The following RBBP6 variants were observed in gnomAD, a reference collection of about 807,000 sequenced individuals.
The protein encoded by RBBP6 is E3 ubiquitin-protein ligase RBBP6.
In RBBP6, 25 loss-of-function variants were observed where a neutral mutation model predicts 167.7. That is an observed-to-expected ratio of 0.15 (90% CI 0.11 to 0.21). The LOEUF is 0.21. RBBP6 is among the 10% of genes least tolerant of loss of function. The pLI is 1.00. For missense variants in RBBP6, 1,868 were observed against 2,134.2 expected, an observed-to-expected ratio of 0.88 and a Z score of 2.46; for synonymous variants, 789 against 735.8, an observed-to-expected ratio of 1.07 and a Z score of -1.17.
chr16:24,551,966 G>GT (rs1330030421), intron 3 of RBBP6, among the ~76,000 whole-genome samples: 2 of 151,608 alleles, frequency 1.3e-5, no homozygotes, highest in East Asian at 1.9e-4. Flanking sequence ...TTATTTAGAG[G>GT]TTTTTTTCTA....
rs771017322 is a variant in RBBP6, at chr16:24,572,175, C to T, written c.5109C>T (p.Ser1703=). 1.3e-5 allele frequency: 21 copies of T among 1,613,992 alleles called. No individual in the cohort carries two copies. The highest frequency in any genetic ancestry group is 1.6e-4 in the Middle Eastern group (1 of 6,084). ...GCCCCAGCGTCAGCCCCAGCAGAAG[C>T]CACAGTCCTTCTGGAAGCCAGACCC... ...HSSPSVSPSR[S]HSPSGSQTRS... The change falls in exon 18 of 18, where the codon AGC becomes AGT. Residue 1703 remains serine (S), a synonymous_variant. Coordinates refer to ENST00000319715, the MANE Select transcript of RBBP6 (RefSeq NM_006910.5).
intron 2 of RBBP6, among the ~76,000 whole-genome samples, chr16:24,548,379 A>T (rs1480630350): frequency 4.0e-5 from 6 of 150,102 alleles, no homozygotes. Flanking sequence ...GGTTAGTCTC[A>T]AACTCCTGGG....
At chr16:24,563,070 A>G in intron 10 of RBBP6, 129 bp from the exon 11 acceptor site, 1 of 649,568 alleles carries the variant, frequency 1.5e-6, no homozygotes, top group Non-Finnish European at 2.6e-6. Flanking sequence ...CACTTTCCTC[A>G]GAAGTATTCA....
chr16:24,556,329 C>A lies in RBBP6; in HGVS notation c.556C>A (p.Pro186Thr). Residue 186 changes from proline to threonine, a missense_variant, in exon 7 of 18, where the codon CCT becomes ACT. Physicochemically the swap from Pro to Thr is conservative, Grantham distance 38 (BLOSUM62 -1). Around this residue, in one of 7 missense-constraint regions of RBBP6, gnomAD observed 184 missense variants for 327.7 expected, o/e 0.56. Transcript: ENST00000319715. ...TNGDKNFESG[P>T]RIKKSTGIPR... ...ATAGGATAAAAACTTTGAATCTGGT[C>A]CTAGGATTAAAAAGAGCACTGGAAT... 6.3e-7 allele frequency: 1 copy of A among 1,598,888 alleles called. No individual in the cohort carries two copies. Among genetic ancestry groups the A allele is most frequent in the Non-Finnish European group, 8.6e-7 (1 of 1,166,700 alleles).
intron 8 of RBBP6, among the ~76,000 whole-genome samples, chr16:24,560,977 A>G (rs1302843165): frequency 2.6e-5 from 4 of 152,134 alleles, no homozygotes; most frequent in African/African-American, 9.7e-5. Context: ...CTTGTTTCAG[A>G]TTATATCTTA....
chr16:24,564,740 G>T (rs1372935114), intron 13 of RBBP6, 57 bp from the exon 14 acceptor site: 5 of 1,578,068 alleles, frequency 3.2e-6, no homozygotes, highest in Non-Finnish European at 3.4e-6. Context: ...GCATGGAAAG[G>T]TCATGTATTA....
chr16:24,567,806 C>A lies in RBBP6; in HGVS notation c.1967C>A (p.Ser656Tyr). 1 of 1,611,712 alleles carries A rather than the reference C, an allele frequency of 6.2e-7. No homozygotes were observed. Among genetic ancestry groups the A allele is most frequent in the South Asian group, 1.1e-5 (1 of 90,758 alleles). ...TATTTTACTAGGGAAAAGAAAAAGTCCAAGCTAGATGAGTTTACAAATGAT... is the reference window on the plus strand; with the variant it reads ...TATTTTACTAGGGAAAAGAAAAAGTACAAGCTAGATGAGTTTACAAATGAT... The part of the protein sequence containing the change: ...RRLKEEEKKK[S>Y]KLDEFTNDFA... The change falls in exon 16 of 18, where the codon TCC becomes TAC. Residue 656 changes from serine to tyrosine, a missense_variant. Ser to Tyr is a moderately radical substitution (Grantham distance 144, BLOSUM62 -2). Coordinates refer to ENST00000319715, the MANE Select transcript of RBBP6 (RefSeq NM_006910.5).
chr16:24,550,866 G>T (rs1422503587), intron 3 of RBBP6, among the ~76,000 whole-genome samples: 4 of 151,664 alleles, frequency 2.6e-5, no homozygotes, highest in Non-Finnish European at 5.9e-5. Flanking sequence ...TTTAAGATGA[G>T]AATATATTCA....
rs566510087 is a variant in RBBP6, at chr16:24,572,075, T to C, written c.5009T>C (p.Val1670Ala). 203 of 1,613,780 alleles carry C rather than the reference T, an allele frequency of 1.3e-4. 2 individuals are homozygous for C. The South Asian group carries it at 2.1e-3, about 16-fold the overall frequency. Reference sequence around the variant, plus strand: ...TCTAAGGACCTGAAAGATAAAATAGTGGAGAAAGCAAAAGAGAGCCTGGAC... The same window carrying C: ...TCTAAGGACCTGAAAGATAAAATAGCGGAGAAAGCAAAAGAGAGCCTGGAC... ...NISKDLKDKI[V>A]EKAKESLDTA... The change falls in exon 18 of 18, where the codon GTG (valine) becomes GCG (alanine). Residue 1670 changes from valine (V) to alanine (A), a missense_variant. Physicochemically the swap from Val to Ala is moderately conservative, Grantham distance 64 (BLOSUM62 0). Transcript: ENST00000319715.
In RBBP6 at chr16:24,548,997, A is replaced by G. The variant is rs1302006190; in HGVS notation, c.303+16A>G. 17 of 1,610,422 alleles carry G rather than the reference A, an allele frequency of 1.1e-5. No individual in the cohort carries two copies. Among genetic ancestry groups the G allele is most frequent in the East Asian group, 4.5e-5 (2 of 44,762 alleles). Reference sequence around the variant, plus strand: ...TACAAAAGCAGTATGTAAAAACACAATCTCACACTTTTTCTACACATTGCT... The same window carrying G: ...TACAAAAGCAGTATGTAAAAACACAGTCTCACACTTTTTCTACACATTGCT... On this transcript the variant is annotated intron_variant, in intron 3 of 17. Transcript: ENST00000319715.
At chr16:24,546,425 G>C (rs1271015688) in intron 2 of RBBP6, among the ~76,000 whole-genome samples, 163 bp downstream of exon 2, 1 of 152,080 alleles carries the variant, frequency 6.6e-6, no homozygotes, top group African/African-American at 2.4e-5. Context: ...GTTTGTTTTT[G>C]ATTTCCTCCC....
At position 24,559,565 on chromosome 16, in the gene RBBP6, T is replaced by C; in HGVS notation, c.735T>C (p.Ser245=). 6.2e-7 allele frequency: 1 copy of C among 1,608,166 alleles called. No homozygotes were observed. Among genetic ancestry groups the C allele is most frequent in the Non-Finnish European group, 8.5e-7 (1 of 1,177,286 alleles). The change falls in exon 8 of 18, where the codon TCT becomes TCC. Residue 245 remains serine (S), a synonymous_variant. Transcript: ENST00000319715. Reference sequence around the variant, plus strand: ...CCTTCTTACCAGAGGAGCCATCTTCTTCCTCAGAAGAAGATGATCCTATCC... The same window carrying C: ...CCTTCTTACCAGAGGAGCCATCTTCCTCCTCAGAAGAAGATGATCCTATCC... The part of the protein sequence containing the change: ...KPPFLPEEPS[S]SSEEDDPIPD...
intron 7 of RBBP6, among the ~76,000 whole-genome samples, chr16:24,558,262 TG>T (rs1464619779): frequency 2.0e-5 from 3 of 152,188 alleles, no homozygotes; most frequent in African/African-American, 7.2e-5. Flanking sequence ...CAGCAAATAC[TG>T]GGGAAAGATG....
intron 2 of RBBP6, among the ~76,000 whole-genome samples, chr16:24,548,635 C>T (rs1296458413): frequency 1.3e-5 from 2 of 152,084 alleles, no homozygotes; most frequent in African/African-American, 2.4e-5. Flanking sequence ...TAAGAATAAA[C>T]TACGTTTCTA....
rs1391558800 is a variant in RBBP6, at chr16:24,572,142, C to T, written c.5076C>T (p.Ser1692=). The T allele has an allele frequency of 6.2e-7, 1 of 1,613,984 alleles. No individual in the cohort carries two copies. Among genetic ancestry groups the T allele is most frequent in the Non-Finnish European group, 8.5e-7 (1 of 1,180,028 alleles). The part of the protein sequence containing the change: ...VVQVGISRNQ[S]HSSPSVSPSR... ...AGGTGGGCATAAGCAGGAATCAGAG[C>T]CACAGCAGCCCCAGCGTCAGCCCCA... The change falls in exon 18 of 18, where the codon AGC becomes AGT. Residue 1692 remains serine, a synonymous_variant. Coordinates refer to ENST00000319715, the MANE Select transcript of RBBP6 (RefSeq NM_006910.5).
rs1567279401 is a variant in RBBP6, at chr16:24,567,350, CCCT to C, written c.1803_1805del (p.Pro602del). 1 of 1,614,112 alleles carries C rather than the reference CCCT, an allele frequency of 6.2e-7. No individual in the cohort carries two copies. The highest frequency in any genetic ancestry group is 1.3e-5 in the African/African-American group (1 of 75,010). On this transcript the variant is annotated inframe_deletion, in exon 15 of 18. Coordinates refer to ENST00000319715, the MANE Select transcript of RBBP6 (RefSeq NM_006910.5). ...AGCCACCACCCGCTGGGTATAGTGT[CCCT>C]CCTCCAGGGTTTCCTCCAGCTCCTG...
At position 24,539,677 on chromosome 16, in the gene RBBP6, G is replaced by A. The variant is rs1330659624; in HGVS notation, c.-950G>A. ...GCGGCAGGGGGCCAACACAAAAAGG[G>A]AGCCGGAGAAGCCCTAGCCGCTGCC... On this transcript the variant is annotated 5_prime_UTR_variant, in exon 1 of 18. Coordinates refer to ENST00000319715, the MANE Select transcript of RBBP6 (RefSeq NM_006910.5). 6.6e-6 allele frequency: 1 copy of A among 152,214 alleles called. No homozygotes were observed. The highest frequency in any genetic ancestry group is 1.5e-5 in the Non-Finnish European group (1 of 68,042). The allele number at this position is 152,214 out of a possible 1,614,324, so 9.4% of individuals were successfully genotyped here. A position where few individuals can be genotyped will look rare whatever the true frequency, so the allele number is the denominator to read the frequency against.
chr16:24,567,760 T>C, intron 15 of RBBP6, 32 bp from the exon 16 acceptor site: 1 of 1,539,922 alleles, frequency 6.5e-7, no homozygotes, highest in Non-Finnish European at 8.9e-7. Context: ...ATGGTTTTTG[T>C]TAACTTTCAC....
intron 14 of RBBP6, among the ~76,000 whole-genome samples, 173 bp from the exon 15 acceptor site, chr16:24,566,970 G>C (rs1169354745): frequency 6.6e-6 from 1 of 152,122 alleles, no homozygotes; most frequent in African/African-American, 2.4e-5. Flanking sequence ...TAAAAATTAT[G>C]TTGTAGAGTT....
Sources: allele counts gnomAD v4.1 joint callset (sites outside exome capture counted in the v4.1 genomes callset), GRCh38; gene constraint gnomAD v4.1.1; regional missense constraint gnomAD v4.1.1; transcripts MANE v1.5; gene names NCBI Gene and HGNC (gene_info 2026-07-23, HGNC 2026-07-21).